FAAH: variants seen among roughly 807,000 people sequenced by gnomAD.
FAAH encodes fatty-acid amide hydrolase 1.
A neutral mutation model predicts 69.7 loss-of-function variants in FAAH; 63 were observed. The observed-to-expected ratio is 0.90, with a 90% confidence interval of 0.74 to 1.12. The LOEUF is 1.12. Ranked by LOEUF, FAAH falls within the 50% of genes most tolerant of loss-of-function variation. The pLI is 0.00. For synonymous variants in FAAH, 305 were observed against 324.2 expected, an observed-to-expected ratio of 0.94 and a Z score of 0.64; for missense variants, 680 against 755.0, an observed-to-expected ratio of 0.90 and a Z score of 1.16.
intron 1 of FAAH, among the ~76,000 whole-genome samples, chr1:46,398,981 A>AT (rs11423577): frequency 0.29 from 39,820 of 137,398 alleles, 5,268 homozygotes; most frequent in South Asian, 0.34. Flanking sequence ...CGCTTCACCC[A>AT]TTTTTTCCCA....
chr1:46,412,963 C>T, intron 13 of FAAH, 112 bp from the exon 14 acceptor site: 1 of 1,319,744 alleles, frequency 7.6e-7, no homozygotes, highest in Non-Finnish European at 1.1e-6. Flanking sequence ...TGGGAGAGAG[C>T]CTTTCTCTGG....
intron 1 of FAAH, among the ~76,000 whole-genome samples, chr1:46,399,266 A>C (rs952666834): frequency 2.2e-4 from 33 of 152,172 alleles, no homozygotes; most frequent in Non-Finnish European, 1.6e-4. Context: ...CTCTCTTGAA[A>C]AATTGTGCAT....
intron 8 of FAAH, 66 bp from the exon 9 acceptor site, chr1:46,409,035 A>C: frequency 7.3e-7 from 1 of 1,372,782 alleles, no homozygotes; most frequent in South Asian, 1.2e-5. Context: ...AGGGCCGCCC[A>C]GACAGCATGG....
chr1:46,408,701 G>C (rs558469081), intron 8 of FAAH, 117 bp downstream of exon 8: 4 of 1,505,022 alleles, frequency 2.7e-6, no homozygotes, highest in Admixed American at 1.7e-5. Flanking sequence ...TGTCGTCGGG[G>C]TGAACTGTGA....
At position 46,405,001 on chromosome 1, in the gene FAAH, T is replaced by TC; in HGVS notation, c.310-9dup. ...AGCCTCCTTTTATCTTATGTCTACTTCCCCTTCCTCAGGCCTGGGAAGTGA... is the reference window on the plus strand; with the variant it reads ...AGCCTCCTTTTATCTTATGTCTACTTCCCCCTTCCTCAGGCCTGGGAAGTGA... On this transcript the variant is annotated splice_polypyrimidine_tract_variant and intron_variant, in intron 2 of 14. Coordinates refer to ENST00000243167, the MANE Select transcript of FAAH (RefSeq NM_001441.3). The surrounding 1 kb of genome is among the most constrained non-coding windows in gnomAD (Gnocchi z 4.1). 6.2e-7 allele frequency: 1 copy of TC among 1,613,996 alleles called. No homozygotes were observed. The highest frequency in any genetic ancestry group is 2.2e-5 in the East Asian group (1 of 44,888).
intron 7 of FAAH, among the ~76,000 whole-genome samples, chr1:46,406,872 C>T (rs1166811442): frequency 6.6e-6 from 1 of 152,024 alleles, no homozygotes; most frequent in African/African-American, 2.4e-5. Context: ...TCCCAAAGTG[C>T]TGGGATTACA....
Position 46,411,614 on chromosome 1 carries a change from C to T in FAAH, c.1319C>T (p.Ser440Leu), listed in dbSNP as rs200701500. 3.6e-5 allele frequency: 58 copies of T among 1,613,666 alleles called. No homozygotes were observed. Among genetic ancestry groups the T allele is most frequent in the Non-Finnish European group, 4.7e-5 (56 of 1,179,956 alleles). The change falls in exon 12 of 15, where the codon TCG becomes TTG. Residue 440 changes from serine to leucine, a missense_variant and splice_region_variant. Physicochemically the swap from Ser to Leu is moderately radical, Grantham distance 145. Transcript: ENST00000243167. The surrounding 1 kb of genome is among the most constrained non-coding windows in gnomAD (Gnocchi z 4.8). ...SAFLSNMKSR[S>L]AGKLWELQHE... is the part of the protein sequence containing the mutation. ...GTGACCACACTCCTTCTGCCCAGTTCGGCTGGAAAACTCTGGGAACTGCAG... is the reference window on the plus strand; with the variant it reads ...GTGACCACACTCCTTCTGCCCAGTTTGGCTGGAAAACTCTGGGAACTGCAG...
At position 46,404,249 on chromosome 1, in the gene FAAH, C is replaced by T. The variant is rs920262263; in HGVS notation, c.310-765C>T. ...GCCTTCTCTGTTCCTGCCTCGGGTA[C>T]CCCGGGGACAGATTTTGCACATGCC... On this transcript the variant is annotated intron_variant, in intron 2 of 14. Transcript: ENST00000243167. The surrounding 1 kb of genome is among the most constrained non-coding windows in gnomAD (Gnocchi z 4.5). 7.2e-5 allele frequency among the ~76,000 whole-genome samples: 11 copies of T among 152,198 alleles called. No homozygotes were observed. The highest frequency in any genetic ancestry group is 2.7e-4 in the African/African-American group (11 of 41,448).
chr1:46,412,089 C>T, intron 12 of FAAH, 54 bp from the exon 13 acceptor site: 1 of 1,461,224 alleles, frequency 6.8e-7, no homozygotes, highest in South Asian at 1.2e-5. Flanking sequence ...AGTTAAAGAG[C>T]CTGGGGTGGG....
Position 46,404,190 on chromosome 1 carries a change from C to T in FAAH, c.310-824C>T, listed in dbSNP as rs1664750549. On this transcript the variant is annotated intron_variant, in intron 2 of 14. Coordinates refer to ENST00000243167, the MANE Select transcript of FAAH (RefSeq NM_001441.3). This position sits in a 1 kb window ranked among gnomAD's most constrained non-coding sequence, Gnocchi z 4.5. ...TCAATGTCCCTGAAAGGCTCCTGCC[C>T]TTCCTAGTTAATCTAGTCTATCTGG... Among the ~76,000 whole-genome samples, 1 of 152,212 alleles carries T rather than the reference C, an allele frequency of 6.6e-6. No homozygotes were observed. Among genetic ancestry groups the T allele is most frequent in the Non-Finnish European group, 1.5e-5 (1 of 68,036 alleles).
At chr1:46,394,842 A>G (rs1267954480) in intron 1 of FAAH, among the ~76,000 whole-genome samples, 1 of 152,266 alleles carries the variant, frequency 6.6e-6, no homozygotes, top group Non-Finnish European at 1.5e-5. Context: ...GCGAAAACGC[A>G]AGCGTGACAA....
chr1:46,396,166 C>T (rs750283509), intron 1 of FAAH, among the ~76,000 whole-genome samples: 5 of 152,118 alleles, frequency 3.3e-5, no homozygotes, highest in Non-Finnish European at 5.9e-5. Flanking sequence ...AGGAAAGGTG[C>T]TGTGCCTTGA....
chr1:46,396,490 G>A (rs773280039), intron 1 of FAAH, among the ~76,000 whole-genome samples: 8 of 152,218 alleles, frequency 5.3e-5, no homozygotes, highest in Admixed American at 2.6e-4. Flanking sequence ...ATCTCAGGCT[G>A]TCTCAGTGGG....
At chr1:46,398,950 T>G (rs1196883737) in intron 1 of FAAH, among the ~76,000 whole-genome samples, 3 of 152,056 alleles carry the variant, frequency 2.0e-5, no homozygotes, top group Non-Finnish European at 4.4e-5. Flanking sequence ...GAGAAAAATG[T>G]GTTTCTGGTA....
intron 6 of FAAH, 74 bp from the exon 7 acceptor site, chr1:46,406,170 T>C (rs1410243765): frequency 6.2e-7 from 1 of 1,613,896 alleles, no homozygotes; most frequent in Non-Finnish European, 8.5e-7. Context: ...GGGCAGTGTC[T>C]GGCCCCCAGG....
chr1:46,411,615 G>A lies in FAAH; in HGVS notation c.1320G>A (p.Ser440=), dbSNP rs1273030876. Residue 440 remains serine, a synonymous_variant, in exon 12 of 15, where the codon TCG becomes TCA. Coordinates refer to ENST00000243167, the MANE Select transcript of FAAH (RefSeq NM_001441.3). This position sits in a 1 kb window ranked among gnomAD's most constrained non-coding sequence, Gnocchi z 4.8. ...SAFLSNMKSR[S]AGKLWELQHE... ...TGACCACACTCCTTCTGCCCAGTTC[G>A]GCTGGAAAACTCTGGGAACTGCAGC... 3 of 1,614,044 alleles carry A rather than the reference G, an allele frequency of 1.9e-6. No homozygotes were observed. Among genetic ancestry groups the A allele is most frequent in the East Asian group, 2.2e-5 (1 of 44,882 alleles).
At position 46,402,168 on chromosome 1, in the gene FAAH, G is replaced by T. The variant is rs753239477; in HGVS notation, c.273G>T (p.Leu91=). 6.2e-7 allele frequency: 1 copy of T among 1,607,362 alleles called. No homozygotes were observed. Among genetic ancestry groups the T allele is most frequent in the East Asian group, 2.2e-5 (1 of 44,686 alleles). The stretch of plus-strand genomic sequence containing the variant: ...TGCAGAAGTTACACAGTAGAGAGCT[G>T]GCCCCTGAGGCCGTGCTCTTCACCT... ...QLVQKLHSRE[L]APEAVLFTYV... The change falls in exon 2 of 15, where the codon CTG becomes CTT. Residue 91 remains leucine (L), a synonymous_variant. Coordinates refer to ENST00000243167, the MANE Select transcript of FAAH (RefSeq NM_001441.3).
chr1:46,401,738 T>C (rs1339856963), intron 1 of FAAH, among the ~76,000 whole-genome samples: 1 of 152,202 alleles, frequency 6.6e-6, no homozygotes, highest in Non-Finnish European at 1.5e-5. Context: ...TGGTGTATAT[T>C]TGTAGTGGTT....
At chr1:46,396,538 A>AGGT (rs1664600769) in intron 1 of FAAH, among the ~76,000 whole-genome samples, 1 of 152,218 alleles carries the variant, frequency 6.6e-6, no homozygotes, top group African/African-American at 2.4e-5. Flanking sequence ...TCTTGGGCAG[A>AGGT]GGTGCCTGCA....
Sources: allele counts gnomAD v4.1 joint callset (sites outside exome capture counted in the v4.1 genomes callset), GRCh38; gene constraint gnomAD v4.1.1; non-coding constraint Gnocchi (gnomAD v3.1); transcripts MANE v1.5; gene names NCBI Gene and HGNC (gene_info 2026-07-23, HGNC 2026-07-21).